Variants in INSL6 observed in about 807,000 individuals in gnomAD.
The protein encoded by INSL6 is insulin-like peptide INSL6.
INSL6 carries 16 observed loss-of-function variants against 9.4 expected under a neutral mutation model. The observed-to-expected ratio is 1.70, with a 90% confidence interval of 1.15 to 2.59. The LOEUF (loss-of-function observed/expected upper bound fraction) is 2.59, where lower values mean the gene tolerates loss of function less well. INSL6 is among the 30% of genes most tolerant of loss of function. The pLI is 0.00. For missense variants in INSL6, 391 were observed against 257.3 expected (o/e 1.52, Z -3.56); for synonymous variants, 154 against 96.9 (o/e 1.59, Z -3.46).
the INSL6 span, among the ~76,000 whole-genome samples, chr9:5,007,531 G>A: frequency 6.6e-6 from 1 of 151,824 alleles, no homozygotes. Flanking sequence ...TTTTGTTGAG[G>A]TATTAAGAAT....
At chr9:5,050,107 C>A in the INSL6 span, among the ~76,000 whole-genome samples, 1 of 152,026 alleles carries the variant, frequency 6.6e-6, no homozygotes, top group Non-Finnish European at 1.5e-5. Context: ...TCAGTAATAT[C>A]TACTTTAATT....
chr9:5,060,423 C>G, the INSL6 span, among the ~76,000 whole-genome samples: 5 of 152,158 alleles, frequency 3.3e-5, no homozygotes, highest in Non-Finnish European at 7.3e-5. Context: ...CCTCTCAAAC[C>G]CTGCCACTGC....
the INSL6 span, among the ~76,000 whole-genome samples, chr9:5,023,472 A>G: frequency 1.3e-5 from 2 of 152,066 alleles, no homozygotes; most frequent in African/African-American, 4.8e-5. Context: ...TCCTCACTGG[A>G]ATAGGAAATG....
At chr9:5,060,771 C>T in the INSL6 span, among the ~76,000 whole-genome samples, 1 of 152,322 alleles carries the variant, frequency 6.6e-6, no homozygotes, top group Non-Finnish European at 1.5e-5. Context: ...GATGTTCTTC[C>T]TGGCATCAAG....
chr9:5,083,109 G>C, the INSL6 span, among the ~76,000 whole-genome samples: 3 of 152,162 alleles, frequency 2.0e-5, no homozygotes, highest in Non-Finnish European at 4.4e-5. Flanking sequence ...ACTGTTCCTT[G>C]GTAGCAGGAG....
At chr9:5,090,675 G>A in the INSL6 span, 305 of 1,539,274 alleles carry the variant, frequency 2.0e-4, no homozygotes, top group African/African-American at 3.2e-3. Context: ...AATATATAGG[G>A]TTAAGACCAT....
chr9:5,066,246 C>T, the INSL6 span, among the ~76,000 whole-genome samples: 24 of 151,990 alleles, frequency 1.6e-4, no homozygotes, highest in Non-Finnish European at 3.4e-4. Flanking sequence ...ACTTTGTTAT[C>T]GTACTGAATA....
the INSL6 span, among the ~76,000 whole-genome samples, chr9:5,102,368 G>A: frequency 6.6e-6 from 1 of 152,156 alleles, no homozygotes; most frequent in Non-Finnish European, 1.5e-5. Flanking sequence ...ACAAGATAAA[G>A]CCTACAAGAA....
chr9:5,068,219 C>G, the INSL6 span, among the ~76,000 whole-genome samples: 1,762 of 151,024 alleles, frequency 0.012, 33 homozygotes, highest in African/African-American at 0.038. Context: ...TAGGAAGAAC[C>G]TGATTGACCT....
the INSL6 span, chr9:5,100,580 C>G: frequency 2.0e-5 from 3 of 152,266 alleles, no homozygotes; most frequent in Non-Finnish European, 2.9e-5. Flanking sequence ...TAGGAGGACA[C>G]TGACCCCCCA....
At chr9:5,057,061 C>T in the INSL6 span, among the ~76,000 whole-genome samples, 2 of 152,094 alleles carry the variant, frequency 1.3e-5, no homozygotes, top group African/African-American at 2.4e-5. Context: ...ATTTCTTTCT[C>T]ATATTAAATT....
chr9:5,124,903 A>AAAAT (rs1823874807), intron 3 of INSL6, among the ~76,000 whole-genome samples: 1 of 151,630 alleles, frequency 6.6e-6, no homozygotes. Context: ...AATATCAAAC[A>AAAAT]AAATAATCCC....
exon 4 of INSL6, among the ~76,000 whole-genome samples, chr9:5,124,147 G>A (rs964021037): frequency 1.3e-5 from 2 of 151,596 alleles, no homozygotes; most frequent in Non-Finnish European, 3.0e-5. Flanking sequence ...TATTTTCTCC[G>A]ATTATGCAGG....
chr9:5,103,942 C>T, the INSL6 span, among the ~76,000 whole-genome samples: 24,426 of 152,042 alleles, frequency 0.16, 2,276 homozygotes, highest in Middle Eastern at 0.22. Context: ...ATTTATAGCA[C>T]TAAATGCCCA....
chr9:5,111,370 C>T, the INSL6 span: 2 of 405,746 alleles, frequency 4.9e-6, no homozygotes, highest in South Asian at 4.0e-5. Context: ...CCCTCCTACG[C>T]CAGCAGCTCT....
chr9:5,011,471 T>C, the INSL6 span, among the ~76,000 whole-genome samples: 3 of 152,234 alleles, frequency 2.0e-5, no homozygotes, highest in African/African-American at 7.2e-5. Flanking sequence ...ATTAAAGGCA[T>C]GAGCCATGAC....
rs9299007 is a variant in INSL6, at chr9:5,139,279, G to A, written c.377-5687C>T. On this transcript the variant is annotated intron_variant, in intron 2 of 3. Transcript: ENST00000649639. Reference sequence around the variant, plus strand: ...TTTTAATGATAAGCAATTTTTTCACGTGCAGTTTAGTGGCCATTTGTTCAT... The same window carrying A: ...TTTTAATGATAAGCAATTTTTTCACATGCAGTTTAGTGGCCATTTGTTCAT... Among the ~76,000 whole-genome samples the A allele has an allele frequency of 9.2e-3, 1,404 of 152,010 alleles. 18 individuals are homozygous for A. Among genetic ancestry groups the A allele is most frequent in the African/African-American group, 0.032 (1,324 of 41,452 alleles).
chr9:5,114,732 A>G, the INSL6 span: 2 of 372,408 alleles, frequency 5.4e-6, no homozygotes, highest in Admixed American at 3.3e-5. Context: ...AAACGAGTTC[A>G]TCTGCTCTGT....
the INSL6 span, among the ~76,000 whole-genome samples, chr9:5,032,838 C>A: frequency 1.3e-5 from 2 of 152,150 alleles, no homozygotes; most frequent in South Asian, 2.1e-4. Flanking sequence ...AATGAGAGCA[C>A]CTCTCCTCCT....
Sources: allele counts gnomAD v4.1 joint callset (sites outside exome capture counted in the v4.1 genomes callset), GRCh38; gene constraint gnomAD v4.1.1; transcripts MANE v1.5; gene names NCBI Gene and HGNC (gene_info 2026-07-23, HGNC 2026-07-21).